HRK: variants seen among roughly 807,000 people sequenced by gnomAD.
The protein encoded by HRK is harakiri, BCL2 interacting protein.
HRK carries 6 observed loss-of-function variants against 5.9 expected under a neutral mutation model. The observed-to-expected ratio is 1.02, with a 90% confidence interval of 0.56 to 2.01. The LOEUF is 2.01. Ranked by LOEUF, HRK falls within the 30% of genes most tolerant of loss-of-function variation. The pLI, the probability that HRK is intolerant of heterozygous loss-of-function variation, is 0.00. For synonymous variants in HRK, 85 were observed against 65.1 expected (o/e 1.31, Z -1.47); for missense variants, 133 against 128.3 (o/e 1.04, Z -0.18).
At chr12:116,872,601 C>G (rs920150257) in intron 1 of HRK, among the ~76,000 whole-genome samples, 2 of 151,114 alleles carry the variant, frequency 1.3e-5, no homozygotes, top group Non-Finnish European at 3.0e-5. Context: ...ATAGCAAAAC[C>G]CTGTCTCTAC....
chr12:116,866,442 T>C (rs1024520216), intron 1 of HRK, among the ~76,000 whole-genome samples: 1 of 150,278 alleles, frequency 6.7e-6, no homozygotes, highest in Non-Finnish European at 1.5e-5. Flanking sequence ...TGCAGAATCC[T>C]CTTGAAAAGA....
chr12:116,860,756 C>G lies in HRK; in HGVS notation c.*767G>C, dbSNP rs1878332377. The G allele has an allele frequency of 6.6e-6, 1 of 151,818 alleles. No individual in the cohort carries two copies. Among genetic ancestry groups the G allele is most frequent in the Non-Finnish European group, 1.5e-5 (1 of 67,970 alleles). 9.4% of individuals were successfully genotyped at this position (151,818 alleles called of 1,614,324 possible). ...CTGAAACAGCAAAATAGAAATCTCT[C>G]TTGTCCCCTGGCCTTCCAAGTCTGT... On this transcript the variant is annotated 3_prime_UTR_variant, in exon 2 of 2. Transcript: ENST00000257572.
intron 1 of HRK, among the ~76,000 whole-genome samples, chr12:116,870,357 G>A: frequency 6.6e-6 from 1 of 152,128 alleles, no homozygotes; most frequent in Non-Finnish European, 1.5e-5. Context: ...CTGAGACTTG[G>A]AACCTTTCCC....
chr12:116,870,034 C>T (rs1049772175), intron 1 of HRK, among the ~76,000 whole-genome samples: 2 of 152,062 alleles, frequency 1.3e-5, no homozygotes, highest in Non-Finnish European at 2.9e-5. Context: ...GAGCCAAGAT[C>T]GTGCCGCTGC....
intron 1 of HRK, among the ~76,000 whole-genome samples, chr12:116,876,437 T>C (rs1444557635): frequency 6.6e-6 from 1 of 152,240 alleles, no homozygotes; most frequent in Non-Finnish European, 1.5e-5. Context: ...GTCTGGCTGG[T>C]GGGCCAGGCT....
intron 1 of HRK, among the ~76,000 whole-genome samples, chr12:116,864,499 G>A (rs921390867): frequency 5.9e-5 from 9 of 152,156 alleles, no homozygotes; most frequent in Admixed American, 4.6e-4. Context: ...AAGCTTCAGC[G>A]CGGACCCAGG....
chr12:116,870,548 C>G (rs1878709567), intron 1 of HRK, among the ~76,000 whole-genome samples: 1 of 152,164 alleles, frequency 6.6e-6, no homozygotes, highest in Non-Finnish European at 1.5e-5. Flanking sequence ...CACAGTGGCT[C>G]ACACTTGGAA....
intron 1 of HRK, among the ~76,000 whole-genome samples, chr12:116,874,005 A>G (rs1221048143): frequency 6.6e-6 from 1 of 152,206 alleles, no homozygotes; most frequent in African/African-American, 2.4e-5. Flanking sequence ...AACCCAATCG[A>G]TGTCCACAAT....
rs1380313566 is a variant in HRK at position 116,860,397 on chromosome 12, T to C, written c.*1126A>G. The C allele has an allele frequency of 6.6e-6, 1 of 151,998 alleles. No individual in the cohort carries two copies. Among genetic ancestry groups the C allele is most frequent in the East Asian group, 1.9e-4 (1 of 5,192 alleles). The allele number at this position is 151,998 out of a possible 1,614,324, so 9.4% of individuals were successfully genotyped here. On this transcript the variant is annotated 3_prime_UTR_variant, in exon 2 of 2. Coordinates refer to ENST00000257572, the MANE Select transcript of HRK (RefSeq NM_003806.4). Reference sequence around the variant, plus strand: ...AAATGGCCCACTCCCTCCCACAACATCCCCCGGTTATAAATCATCTTTGAA... The same window carrying C: ...AAATGGCCCACTCCCTCCCACAACACCCCCCGGTTATAAATCATCTTTGAA...
In HRK at chr12:116,881,228, G is replaced by T; in HGVS notation, c.80C>A (p.Ser27Ter). The T allele has an allele frequency of 1.8e-6, 2 of 1,111,352 alleles. No homozygotes were observed. The highest frequency in any genetic ancestry group is 8.6e-5 in the South Asian group (2 of 23,232). 68.8% of individuals were successfully genotyped at this position (1,111,352 alleles called of 1,614,324 possible). Residue 27 changes from serine to a stop codon, truncating the protein, a stop_gained, in exon 1 of 2, where the codon TCG becomes TAG. Coordinates refer to ENST00000257572, the MANE Select transcript of HRK (RefSeq NM_003806.4). LOFTEE classifies it high-confidence loss of function. ...GGCGGCGGTGAGCTGCGCGGCGGAC[G>T]AGCGCAGCCCCAGGCGACCCGCGCT... ...ACSAGRLGLR[S>*]SAAQLTAARL... is the part of the protein sequence containing the mutation.
Position 116,858,446 on chromosome 12 carries a change from G to C in HRK, c.*3077C>G, listed in dbSNP as rs933335865. On this transcript the variant is annotated 3_prime_UTR_variant, in exon 2 of 2. Transcript: ENST00000257572. ...AAGTCCCGGGGGCTCCAGTCCCAGC[G>C]GTTCCTGGCTCCCCACTCTCTGAGA... 6.6e-6 allele frequency: 1 copy of C among 151,794 alleles called. No homozygotes were observed. The allele number at this position is 151,794 out of a possible 1,614,324, so 9.4% of individuals were successfully genotyped here.
chr12:116,871,653 G>T (rs1878757241), intron 1 of HRK, among the ~76,000 whole-genome samples: 1 of 150,032 alleles, frequency 6.7e-6, no homozygotes, highest in African/African-American at 2.5e-5. Flanking sequence ...TTGAGACAGG[G>T]TCTTGCTCTG....
chr12:116,881,339 G>C lies in HRK; in HGVS notation c.-32C>G. On this transcript the variant is annotated 5_prime_UTR_variant, in exon 1 of 2. Coordinates refer to ENST00000257572, the MANE Select transcript of HRK (RefSeq NM_003806.4). ...TGGCCTCGCTCCCGCCCCGCGCTCG[G>C]GCCGCCCCTCGCCTCCTCTCCCTCC... 7.5e-6 allele frequency: 8 copies of C among 1,059,738 alleles called. No individual in the cohort carries two copies. The highest frequency in any genetic ancestry group is 9.1e-6 in the Non-Finnish European group (8 of 879,458). 65.6% of individuals were successfully genotyped at this position (1,059,738 alleles called of 1,614,324 possible).
intron 1 of HRK, among the ~76,000 whole-genome samples, chr12:116,868,957 ACTT>A (rs942293689): frequency 1.0e-4 from 14 of 139,266 alleles, no homozygotes; most frequent in Admixed American, 1.6e-4. Flanking sequence ...CATGGACTAA[ACTT>A]CTTCTTCGTT....
At chr12:116,863,501 C>G (rs1878436555) in intron 1 of HRK, among the ~76,000 whole-genome samples, 1 of 152,180 alleles carries the variant, frequency 6.6e-6, no homozygotes, top group Non-Finnish European at 1.5e-5. Flanking sequence ...TTCCCAAACC[C>G]TGCCCACGCC....
At position 116,881,137 on chromosome 12, in the gene HRK, C is replaced by A; in HGVS notation, c.171G>T (p.Arg57=). Residue 57 remains arginine (R), a synonymous_variant, in exon 1 of 2, where the codon CGG becomes CGT. Coordinates refer to ENST00000257572, the MANE Select transcript of HRK (RefSeq NM_003806.4). The stretch of plus-strand genomic sequence containing the variant: ...GGAGCGCGCCGGGCGCCGGCGCCCT[C>A]CGGCTCCGCGCGCGGCGCCGCCACA... ...RTMWRRRARS[R]RAPAPGALPT... is the part of the protein sequence containing the mutation. 8.3e-7 allele frequency: 1 copy of A among 1,200,676 alleles called. No homozygotes were observed. Among genetic ancestry groups the A allele is most frequent in the East Asian group, 3.6e-5 (1 of 27,760 alleles). The allele number at this position is 1,200,676 out of a possible 1,614,324, so 74.4% of individuals were successfully genotyped here.
Position 116,858,827 on chromosome 12 carries a change from TA to T in HRK, c.*2695del, listed in dbSNP as rs5801203. The T allele has an allele frequency of 0.56, 85,023 of 151,286 alleles. 29,486 individuals carry two copies. The highest frequency in any genetic ancestry group is 0.75 in the Non-Finnish European group (50,887 of 67,888). 9.4% of individuals were successfully genotyped at this position (151,286 alleles called of 1,614,324 possible). A position where few individuals can be genotyped will look rare whatever the true frequency, so the allele number is the denominator to read the frequency against. The stretch of plus-strand genomic sequence containing the variant: ...CTTTGCACACTGTGGAAATATTTTT[TA>T]AAAAACAAGAACCACCCCACTATCT... On this transcript the variant is annotated 3_prime_UTR_variant, in exon 2 of 2. Coordinates refer to ENST00000257572, the MANE Select transcript of HRK (RefSeq NM_003806.4).
chr12:116,881,326 C>A lies in HRK; in HGVS notation c.-19G>T. ...GGCACATGACCGCTGGCCTCGCTCCCGCCCCGCGCTCGGGCCGCCCCTCGC... is the reference window on the plus strand; with the variant it reads ...GGCACATGACCGCTGGCCTCGCTCCAGCCCCGCGCTCGGGCCGCCCCTCGC... On this transcript the variant is annotated 5_prime_UTR_variant, in exon 1 of 2. Transcript: ENST00000257572. 1 of 1,063,672 alleles carries A rather than the reference C, an allele frequency of 9.4e-7. No individual in the cohort carries two copies. The highest frequency in any genetic ancestry group is 4.4e-5 in the South Asian group (1 of 22,724). 65.9% of individuals were successfully genotyped at this position (1,063,672 alleles called of 1,614,324 possible). A position where few individuals can be genotyped will look rare whatever the true frequency, so the allele number is the denominator to read the frequency against.
At chr12:116,863,736 C>T (rs1038410295) in intron 1 of HRK, among the ~76,000 whole-genome samples, 5 of 151,522 alleles carry the variant, frequency 3.3e-5, no homozygotes, top group African/African-American at 1.2e-4. Flanking sequence ...TCTCGCTCTG[C>T]CACCCAGGCA....
Sources: gnomAD v4.1 joint callset for allele counts (sites outside exome capture counted in the v4.1 genomes callset) on GRCh38, gnomAD v4.1.1 for gene constraint, MANE v1.5 for transcripts, NCBI Gene and HGNC (gene_info 2026-07-23, HGNC 2026-07-21) for gene names.